SCN3A: variants seen among roughly 807,000 people sequenced by gnomAD.
SCN3A encodes sodium channel protein type 3 subunit alpha.
A neutral mutation model predicts 187.6 loss-of-function variants in SCN3A; 60 were observed. The observed-to-expected ratio is 0.32, with a 90% confidence interval of 0.26 to 0.40. The LOEUF is 0.40. Among genes scored for constraint, SCN3A ranks in the 10% least tolerant of loss-of-function variants. The pLI is 1.00. For synonymous variants in SCN3A, 788 were observed against 829.2 expected, an observed-to-expected ratio of 0.95 and a Z score of 0.85; for missense variants, 1,601 against 2,428.2, an observed-to-expected ratio of 0.66 and a Z score of 7.16.
At chr2:165,109,357 G>T (rs1686007564) in intron 21 of SCN3A, among the ~76,000 whole-genome samples, 1 of 152,106 alleles carries the variant, frequency 6.6e-6, no homozygotes, top group South Asian at 2.1e-4. Flanking sequence ...ATTCTCTCCT[G>T]AGCTCTAGAT....
chr2:165,162,404 A>G, intron 8 of SCN3A, 33 bp from the exon 9 acceptor site: 1 of 1,604,840 alleles, frequency 6.2e-7, no homozygotes, highest in Non-Finnish European at 8.5e-7. Flanking sequence ...ATTTTATTTC[A>G]TATTAATCCT....
intron 1 of SCN3A, among the ~76,000 whole-genome samples, chr2:165,190,734 A>AT (rs996925453): frequency 1.3e-5 from 2 of 150,920 alleles, no homozygotes; most frequent in Non-Finnish European, 1.5e-5. Context: ...CTTATAAACC[A>AT]TTTTTTTCTC....
In SCN3A at chr2:165,180,014, A is replaced by T. The variant is rs569489964; in HGVS notation, c.-50-3570T>A. ...AAATACATAAAATTTAATATATCAA[A>T]TTTTCTACAGAGCTATCTTTGCAAG... On this transcript the variant is annotated intron_variant, in intron 2 of 27. Coordinates refer to ENST00000283254, the MANE Select transcript of SCN3A (RefSeq NM_006922.4). Among the ~76,000 whole-genome samples, 7 of 152,168 alleles carry T rather than the reference A, an allele frequency of 4.6e-5. No individual in the cohort carries two copies. In the South Asian group the frequency reaches 1.5e-3, roughly 32 times the overall value.
rs57711237 is a variant in SCN3A, at chr2:165,126,932, A to G, written c.3393+699T>C. Among the ~76,000 whole-genome samples the G allele has an allele frequency of 5.1e-3, 783 of 152,352 alleles. 2 individuals carry two copies. Among genetic ancestry groups the G allele is most frequent in the African/African-American group, 0.018 (747 of 41,574 alleles). ...GACTTTCAGAGGTTAACAAAAGTACATAAAGTTTTCACATAAAAATCATAG... is the reference window on the plus strand; with the variant it reads ...GACTTTCAGAGGTTAACAAAAGTACGTAAAGTTTTCACATAAAAATCATAG... On this transcript the variant is annotated intron_variant, in intron 18 of 27. Coordinates refer to ENST00000283254, the MANE Select transcript of SCN3A (RefSeq NM_006922.4).
intron 1 of SCN3A, among the ~76,000 whole-genome samples, chr2:165,189,128 A>G (rs1012827423): frequency 2.6e-5 from 4 of 152,214 alleles, no homozygotes; most frequent in Admixed American, 6.5e-5. Flanking sequence ...TTAGGAAAAA[A>G]CAAAACAAAC....
At chr2:165,143,140 G>A (rs562018115) in intron 12 of SCN3A, among the ~76,000 whole-genome samples, 7 of 152,206 alleles carry the variant, frequency 4.6e-5, no homozygotes, top group Admixed American at 2.0e-4. Flanking sequence ...TTTGGAATAT[G>A]GATTCAGGAA....
chr2:165,094,557 T>C (rs1173185743), intron 25 of SCN3A, 79 bp from the exon 26 acceptor site: 6 of 949,056 alleles, frequency 6.3e-6, no homozygotes, highest in South Asian at 1.4e-5. Flanking sequence ...TTTCCTTTAA[T>C]CTTTTCTAAT....
intron 12 of SCN3A, among the ~76,000 whole-genome samples, chr2:165,142,944 G>T (rs1688101034): frequency 6.6e-6 from 1 of 151,932 alleles, no homozygotes; most frequent in Admixed American, 6.6e-5. Context: ...TAGAGACAGG[G>T]TTTCACCATG....
rs199975643 is a variant in SCN3A, at chr2:165,140,667, C to T, written c.2003G>A (p.Gly668Glu). 1.4e-4 allele frequency: 224 copies of T among 1,613,808 alleles called. 1 individual carries two copies. The highest frequency in any genetic ancestry group is 2.0e-5 in the Non-Finnish European group (24 of 1,179,950). ...TATTATCACCTCTGGGGGAAGTTGT[C>T]CAGTAGGTGACGTTAGAGCTGAAGG... ...GGPSALTSPTGQLPPEGTTTE... is the reference protein window; with the variant it reads ...GGPSALTSPTEQLPPEGTTTE... The change falls in exon 13 of 28, where the codon GGA (glycine) becomes GAA (glutamate). Residue 668 changes from glycine (G) to glutamate (E), a missense_variant. Physicochemically the swap from Gly to Glu is moderately conservative, Grantham distance 98. Transcript: ENST00000283254. The surrounding 1 kb of genome is among the most constrained non-coding windows in gnomAD (Gnocchi z 4.2).
Position 165,168,802 on chromosome 2 carries a change from C to T in SCN3A, c.407G>A (p.Cys136Tyr), listed in dbSNP as rs2105906381. ...AAATACACAGTTGGTCAAAATAGTG[C>T]ACATGATAAGCATGCTGAATAAAGT... ...VHSLFSMLIM[C>Y]TILTNCVFMT... The change falls in exon 5 of 28, where the codon TGC (cysteine) becomes TAC (tyrosine). Residue 136 changes from cysteine (C) to tyrosine (Y), a missense_variant. Coordinates refer to ENST00000283254, the MANE Select transcript of SCN3A (RefSeq NM_006922.4). 1 of 1,611,700 alleles carries T rather than the reference C, an allele frequency of 6.2e-7. No homozygotes were observed. The highest frequency in any genetic ancestry group is 1.7e-5 in the Admixed American group (1 of 59,906).
At position 165,164,475 on chromosome 2, in the gene SCN3A, GA is replaced by G; in HGVS notation, c.518del (p.Ile173ThrfsTer8). On this transcript the variant is annotated frameshift_variant, in exon 6 of 28. Coordinates refer to ENST00000283254, the MANE Select transcript of SCN3A (RefSeq NM_006922.4). LOFTEE classifies it high-confidence loss of function. ...CTTCTAAGCAAAACCCTCTTGCCAA[GA>G]TTTTTATAAGTGACTCAAAGGTATA... ...GIYTFESLIKILARGFCLEDF... is the reference protein window; with the variant it reads ...GIYTFESLIKXLARGFCLEDF... The G allele has an allele frequency of 6.2e-7, 1 of 1,613,704 alleles. No homozygotes were observed. The highest frequency in any genetic ancestry group is 8.5e-7 in the Non-Finnish European group (1 of 1,179,788).
At chr2:165,152,164 A>G (rs1267037763) in intron 11 of SCN3A, among the ~76,000 whole-genome samples, 14 of 152,222 alleles carry the variant, frequency 9.2e-5, no homozygotes, top group Admixed American at 8.5e-4. Flanking sequence ...TGTCAGGAAC[A>G]TAAAACTGCA....
intron 17 of SCN3A, among the ~76,000 whole-genome samples, chr2:165,129,037 T>C (rs1431476848): frequency 1.3e-5 from 2 of 152,216 alleles, no homozygotes; most frequent in Non-Finnish European, 2.9e-5. Flanking sequence ...CCCAGTTTGC[T>C]TCCTTACTTC....
intron 18 of SCN3A, among the ~76,000 whole-genome samples, chr2:165,119,212 ATCT>A (rs1330098845): frequency 5.9e-5 from 9 of 152,204 alleles, no homozygotes; most frequent in Non-Finnish European, 1.2e-4. Flanking sequence ...GGCCAATTTA[ATCT>A]TCTTAGTCAG....
chr2:165,189,170 A>G (rs1052724849), intron 1 of SCN3A, among the ~76,000 whole-genome samples: 5 of 152,232 alleles, frequency 3.3e-5, no homozygotes, highest in African/African-American at 1.2e-4. Flanking sequence ...TAAAAAGCAA[A>G]CATTTTTCAA....
At chr2:165,114,243 T>G (rs1265442462) in intron 19 of SCN3A, among the ~76,000 whole-genome samples, 1 of 152,226 alleles carries the variant, frequency 6.6e-6, no homozygotes, top group Non-Finnish European at 1.5e-5. Context: ...AGGATTATTT[T>G]GCCTCAAGGC....
intron 2 of SCN3A, among the ~76,000 whole-genome samples, chr2:165,181,631 T>C (rs1354720096): frequency 6.6e-6 from 1 of 152,216 alleles, no homozygotes; most frequent in Non-Finnish European, 1.5e-5. Context: ...TGTCATTTGC[T>C]TTTCCTGAAG....
intron 2 of SCN3A, among the ~76,000 whole-genome samples, chr2:165,186,285 A>ACAACAG (rs71396207): frequency 8.6e-5 from 13 of 151,344 alleles, no homozygotes; most frequent in East Asian, 5.9e-4. Flanking sequence ...AACAACAACA[A>ACAACAG]CAACAAAAAA....
intron 1 of SCN3A, among the ~76,000 whole-genome samples, chr2:165,189,999 G>T (rs1691488267): frequency 6.6e-6 from 1 of 152,154 alleles, no homozygotes; most frequent in South Asian, 2.1e-4. Flanking sequence ...AGATCCAAAG[G>T]TGGTCATGGA....
Sources: allele counts gnomAD v4.1 joint callset (sites outside exome capture counted in the v4.1 genomes callset), GRCh38; gene constraint gnomAD v4.1.1; non-coding constraint Gnocchi (gnomAD v3.1); transcripts MANE v1.5; gene names NCBI Gene and HGNC (gene_info 2026-07-23, HGNC 2026-07-21).